Variants in BMP8A observed in about 807,000 individuals in gnomAD.
BMP8A encodes the protein bone morphogenetic protein 8a, also known as BMP-8A.
BMP8A carries 14 observed loss-of-function variants against 36.8 expected under a neutral mutation model. That is an observed-to-expected ratio of 0.38 (90% CI 0.25 to 0.60). The LOEUF (loss-of-function observed/expected upper bound fraction) is 0.60, where lower values mean the gene tolerates loss of function less well. Among genes scored for constraint, BMP8A ranks in the 20% least tolerant of loss-of-function variants. The pLI is 0.63. For missense variants in BMP8A, 267 were observed against 551.1 expected, an observed-to-expected ratio of 0.48 and a Z score of 5.16; for synonymous variants, 120 against 237.7, an observed-to-expected ratio of 0.50 and a Z score of 4.55.
rs1645159344 is a variant in BMP8A at position 39,491,771 on chromosome 1, G to A, written c.-221G>A. ...CAGCCCTCAGAACAGCCCCGGCCTC[G>A]AAGCGTTGGCGTCTGCGTCCGCGTC... is the stretch of plus-strand genomic sequence containing the variant. On this transcript the variant is annotated 5_prime_UTR_variant, in exon 1 of 7. Transcript: ENST00000331593. 1 of 212,000 alleles carries A rather than the reference G, an allele frequency of 4.7e-6. No individual in the cohort carries two copies. Among genetic ancestry groups the A allele is most frequent in the South Asian group, 1.7e-4 (1 of 5,752 alleles). 13.1% of individuals were successfully genotyped at this position (212,000 alleles called of 1,614,324 possible). A position where few individuals can be genotyped will look rare whatever the true frequency, so the allele number is the denominator to read the frequency against.
At chr1:39,509,621 C>T (rs560135177) in intron 1 of BMP8A, among the ~76,000 whole-genome samples, 53 of 152,300 alleles carry the variant, frequency 3.5e-4, no homozygotes, top group Non-Finnish European at 6.2e-4. Flanking sequence ...CCCCATCCCC[C>T]GCCCCGCACA....
intron 1 of BMP8A, among the ~76,000 whole-genome samples, chr1:39,495,401 C>T (rs1310957215): frequency 1.3e-5 from 2 of 150,886 alleles, no homozygotes; most frequent in Non-Finnish European, 3.0e-5. Context: ...AGCCGGGGCC[C>T]TGCCTGGCCT....
chr1:39,524,302 AGAGT>A lies in BMP8A; in HGVS notation c.1059+1191_1059+1194del, dbSNP rs1251372741. Among the ~76,000 whole-genome samples the A allele has an allele frequency of 6.6e-6, 1 of 151,968 alleles. No homozygotes were observed. The highest frequency in any genetic ancestry group is 1.9e-4 in the East Asian group (1 of 5,152). ...GCCCCTGCCCCTCAGGGGCTCAACT[AGAGT>A]GAGTGCTCACAGCCTACAGGGCAGC... On this transcript the variant is annotated intron_variant, in intron 6 of 6. Coordinates refer to ENST00000331593, the MANE Select transcript of BMP8A (RefSeq NM_181809.4). This position sits in a 1 kb window ranked among gnomAD's most constrained non-coding sequence, Gnocchi z 4.0.
rs1645506282 is a variant in BMP8A at position 39,528,668 on chromosome 1, C to T, written c.*2870C>T. On this transcript the variant is annotated 3_prime_UTR_variant, in exon 7 of 7. Transcript: ENST00000331593. ...GAAAAGGAGAGGGCAGGTTTTGGAG[C>T]CAAGTCGACCTGGCATCAGGTCCTG... is the stretch of plus-strand genomic sequence containing the variant. Among the ~76,000 whole-genome samples, 1 of 150,436 alleles carries T rather than the reference C, an allele frequency of 6.6e-6. No homozygotes were observed. Among genetic ancestry groups the T allele is most frequent in the Admixed American group, 6.6e-5 (1 of 15,116 alleles).
chr1:39,504,857 T>C (rs1196327813), intron 1 of BMP8A, among the ~76,000 whole-genome samples: 2 of 151,954 alleles, frequency 1.3e-5, no homozygotes, highest in Admixed American at 1.3e-4. Flanking sequence ...CAGGAAAACA[T>C]GTGAGCAAAG....
chr1:39,499,187 G>A (rs1468575739), intron 1 of BMP8A, among the ~76,000 whole-genome samples: 1 of 152,218 alleles, frequency 6.6e-6, no homozygotes, highest in Non-Finnish European at 1.5e-5. Flanking sequence ...CCTGCCTGGG[G>A]TCTGAGGACT....
rs1645389139 is a variant in BMP8A at position 39,515,612 on chromosome 1, A to G, written c.673+3708A>G. 5 of 1,542,346 alleles carry G rather than the reference A, an allele frequency of 3.2e-6. No homozygotes were observed. In the South Asian group the frequency reaches 5.7e-5, roughly 18 times the overall value. On this transcript the variant is annotated intron_variant, in intron 3 of 6. Coordinates refer to ENST00000331593, the MANE Select transcript of BMP8A (RefSeq NM_181809.4). ...AAGGGTGGAAGGCCGACCGGGCAGGAAACGTGGTCTTCAGGAGAAGCGCCC... is the reference window on the plus strand; with the variant it reads ...AAGGGTGGAAGGCCGACCGGGCAGGGAACGTGGTCTTCAGGAGAAGCGCCC...
At chr1:39,517,462 T>C (rs1645402251) in intron 3 of BMP8A, among the ~76,000 whole-genome samples, 1 of 151,850 alleles carries the variant, frequency 6.6e-6, no homozygotes, top group African/African-American at 2.4e-5. Context: ...ATTACAGGCA[T>C]GTGCCACCAT....
rs541644372 is a variant in BMP8A at position 39,527,127 on chromosome 1, C to T, written c.*1329C>T. Among the ~76,000 whole-genome samples the T allele has an allele frequency of 6.6e-6, 1 of 152,276 alleles. No homozygotes were observed. Among genetic ancestry groups the T allele is most frequent in the South Asian group, 2.1e-4 (1 of 4,822 alleles). ...GTCTAGGAGTTATGAACAAGCTGGC[C>T]ACCAAAATTGGCGTCACCCTGGGTG... On this transcript the variant is annotated 3_prime_UTR_variant, in exon 7 of 7. Coordinates refer to ENST00000331593, the MANE Select transcript of BMP8A (RefSeq NM_181809.4).
At chr1:39,509,385 C>T (rs1645331034) in intron 1 of BMP8A, among the ~76,000 whole-genome samples, 2 of 152,162 alleles carry the variant, frequency 1.3e-5, no homozygotes, top group African/African-American at 4.8e-5. Flanking sequence ...GAAGAGAGCA[C>T]ACGTGTGTAG....
chr1:39,495,311 G>C (rs555009263), intron 1 of BMP8A, among the ~76,000 whole-genome samples: 4 of 152,198 alleles, frequency 2.6e-5, no homozygotes, highest in Non-Finnish European at 5.9e-5. Context: ...TCAGGCCTCC[G>C]TGCAGAGCAG....
chr1:39,509,610 G>A (rs1282672313), intron 1 of BMP8A, among the ~76,000 whole-genome samples: 2 of 152,062 alleles, frequency 1.3e-5, no homozygotes, highest in African/African-American at 4.8e-5. Context: ...CACACGTCTG[G>A]CCCCATCCCC....
intron 6 of BMP8A, 85 bp from the exon 7 acceptor site, chr1:39,525,564 G>C: frequency 6.5e-7 from 1 of 1,530,788 alleles, no homozygotes; most frequent in Non-Finnish European, 8.8e-7. Context: ...AGGGCAGGGA[G>C]CAGGTGGAGC....
chr1:39,502,734 A>G (rs1020434952), intron 1 of BMP8A, among the ~76,000 whole-genome samples: 17 of 152,240 alleles, frequency 1.1e-4, no homozygotes, highest in African/African-American at 3.9e-4. Flanking sequence ...AATACCCTTG[A>G]ATCCATAATG....
At chr1:39,502,072 T>C (rs1645258408) in intron 1 of BMP8A, among the ~76,000 whole-genome samples, 1 of 151,994 alleles carries the variant, frequency 6.6e-6, no homozygotes, top group African/African-American at 2.4e-5. Flanking sequence ...ACCCTGTCTC[T>C]ACTGAAAATA....
intron 1 of BMP8A, among the ~76,000 whole-genome samples, chr1:39,492,911 A>T (rs747834470): frequency 6.6e-5 from 10 of 152,096 alleles, no homozygotes; most frequent in Admixed American, 1.3e-4. Flanking sequence ...TGCACTTAGC[A>T]TGTGGCCTGG....
At chr1:39,525,241 T>TG (rs940815174) in intron 6 of BMP8A, 36 of 179,180 alleles carry the variant, frequency 2.0e-4, no homozygotes, top group African/African-American at 5.7e-4. Flanking sequence ...GCAGAGCCTC[T>TG]GGGGGGGTCT....
chr1:39,498,594 G>A (rs1014307855), intron 1 of BMP8A, among the ~76,000 whole-genome samples: 10 of 152,176 alleles, frequency 6.6e-5, no homozygotes, highest in African/African-American at 2.4e-4. Flanking sequence ...GGAGCCCTGG[G>A]CCCGCCTCGA....
chr1:39,508,256 AAAAAAAAAGAAAAAAG>A (rs1226631180), intron 1 of BMP8A, among the ~76,000 whole-genome samples: 2 of 151,678 alleles, frequency 1.3e-5, no homozygotes, highest in Non-Finnish European at 2.9e-5. Flanking sequence ...GTCTCAAAAA[AAAAAAAAAGAAAAAAG>A]AAAAAAAGAA....
Sources: allele counts gnomAD v4.1 joint callset (sites outside exome capture counted in the v4.1 genomes callset), GRCh38; gene constraint gnomAD v4.1.1; non-coding constraint Gnocchi (gnomAD v3.1); transcripts MANE v1.5; gene names NCBI Gene and HGNC (gene_info 2026-07-23, HGNC 2026-07-21).